The following TMEM163 variants were observed in gnomAD, a reference collection of about 807,000 sequenced individuals.
TMEM163 encodes the protein transmembrane protein 163.
Under a neutral mutation model 29.3 loss-of-function variants are expected in TMEM163, and 17 were observed. That is an observed-to-expected ratio of 0.58 (90% confidence interval 0.40 to 0.87). The LOEUF (loss-of-function observed/expected upper bound fraction) is 0.87, where lower values mean the gene tolerates loss of function less well. Among genes scored for constraint, TMEM163 ranks in the 40% least tolerant of loss-of-function variants. The probability of loss-of-function intolerance (pLI) is 0.00; values close to 1 mark genes in which losing one functional copy is unlikely to be tolerated. For synonymous variants in TMEM163, 157 were observed against 160.6 expected (o/e 0.98, Z 0.17); for missense variants, 303 against 381.5 (o/e 0.79, Z 1.71).
chr2:134,605,490 G>C (rs1354231475), intron 2 of TMEM163, among the ~76,000 whole-genome samples: 1 of 152,046 alleles, frequency 6.6e-6, no homozygotes, highest in Non-Finnish European at 1.5e-5. Flanking sequence ...CTGAGGTCAG[G>C]AGTTCCACAT....
intron 2 of TMEM163, among the ~76,000 whole-genome samples, chr2:134,587,457 G>C (rs957545270): frequency 2.0e-5 from 3 of 151,998 alleles, no homozygotes; most frequent in Admixed American, 6.5e-5. Context: ...TGAGAAGCTA[G>C]GCTGAGAACA....
chr2:134,567,397 A>G (rs568247180), intron 2 of TMEM163, among the ~76,000 whole-genome samples: 2 of 152,344 alleles, frequency 1.3e-5, no homozygotes, highest in Non-Finnish European at 2.9e-5. Context: ...TATTCACAAA[A>G]TAAAGAGTCA....
intron 2 of TMEM163, among the ~76,000 whole-genome samples, chr2:134,631,560 T>A (rs1682971772): frequency 6.6e-6 from 1 of 152,154 alleles, no homozygotes; most frequent in South Asian, 2.1e-4. Context: ...ATGAGAAAAC[T>A]AAAGCCCAGA....
chr2:134,713,279 G>A lies in TMEM163; in HGVS notation c.243C>T (p.Ala81=). 6.2e-7 allele frequency: 1 copy of A among 1,614,090 alleles called. No individual in the cohort carries two copies. Among genetic ancestry groups the A allele is most frequent in the Non-Finnish European group, 8.5e-7 (1 of 1,180,004 alleles). The change falls in exon 2 of 8, where the codon GCC becomes GCT. Residue 81 remains alanine (A), a synonymous_variant. Transcript: ENST00000281924. The part of the protein sequence containing the change: ...ESSTRLKPHE[A]QNYRKKALWV... ...ACAATGCCTTCTTCCTGTAGTTCTG[G>A]GCTTCGTGAGGTTTCAGGCGGGTGC...
At chr2:134,541,326 A>C (rs991511954) in intron 4 of TMEM163, among the ~76,000 whole-genome samples, 1 of 152,274 alleles carries the variant, frequency 6.6e-6, no homozygotes, top group Non-Finnish European at 1.5e-5. Flanking sequence ...TGATAAAAAG[A>C]ATTATAACTC....
chr2:134,482,529 T>TA (rs1323343635), intron 5 of TMEM163, among the ~76,000 whole-genome samples: 1 of 152,316 alleles, frequency 6.6e-6, no homozygotes, highest in South Asian at 2.1e-4. Flanking sequence ...CTACATGTGT[T>TA]AGAGTATTAC....
intron 2 of TMEM163, among the ~76,000 whole-genome samples, chr2:134,701,204 G>C (rs1431998099): frequency 6.6e-6 from 1 of 151,766 alleles, no homozygotes. Context: ...AAAGAAATCA[G>C]AGTGAATTTA....
At chr2:134,507,346 AAAT>A (rs1352986650) in intron 4 of TMEM163, among the ~76,000 whole-genome samples, 18 of 55,580 alleles carry the variant, frequency 3.2e-4, no homozygotes, top group African/African-American at 1.1e-3. Flanking sequence ...CTAAATAAAT[AAAT>A]AAATAAATAA....
chr2:134,631,271 T>A (rs1417584343), intron 2 of TMEM163, among the ~76,000 whole-genome samples: 1 of 152,248 alleles, frequency 6.6e-6, no homozygotes, highest in African/African-American at 2.4e-5. Context: ...TTTCTTGCTA[T>A]GTTGCTTCTA....
chr2:134,705,832 A>G (rs1348239501), intron 2 of TMEM163, among the ~76,000 whole-genome samples: 1 of 152,264 alleles, frequency 6.6e-6, no homozygotes, highest in East Asian at 1.9e-4. Flanking sequence ...AAGAGGAAAA[A>G]CCCTGACAAA....
chr2:134,704,741 G>A (rs1027536153), intron 2 of TMEM163, among the ~76,000 whole-genome samples: 5 of 152,200 alleles, frequency 3.3e-5, no homozygotes, highest in Admixed American at 3.3e-4. Context: ...AGCCCACACA[G>A]AATTATTCTG....
At chr2:134,642,074 A>G (rs1683234174) in intron 2 of TMEM163, among the ~76,000 whole-genome samples, 1 of 152,098 alleles carries the variant, frequency 6.6e-6, no homozygotes. Context: ...GCTTCAAAAC[A>G]CATGAAAAAA....
intron 4 of TMEM163, among the ~76,000 whole-genome samples, chr2:134,533,703 T>C (rs575571597): frequency 3.9e-5 from 6 of 152,170 alleles, no homozygotes; most frequent in Non-Finnish European, 8.8e-5. Flanking sequence ...GGCTTAATAA[T>C]GCACCCGTGG....
chr2:134,575,594 C>T (rs1418950232), intron 2 of TMEM163, among the ~76,000 whole-genome samples: 1 of 152,170 alleles, frequency 6.6e-6, no homozygotes, highest in Non-Finnish European at 1.5e-5. Context: ...AGATGTGTCA[C>T]TCGCCACACG....
intron 5 of TMEM163, among the ~76,000 whole-genome samples, chr2:134,489,971 C>G (rs1205480799): frequency 6.6e-6 from 1 of 152,228 alleles, no homozygotes; most frequent in African/African-American, 2.4e-5. Context: ...CCTGCTACAG[C>G]TAATGGCCAC....
At chr2:134,583,366 C>T (rs561938786) in intron 2 of TMEM163, among the ~76,000 whole-genome samples, 6 of 152,260 alleles carry the variant, frequency 3.9e-5, no homozygotes, top group East Asian at 1.9e-4. Context: ...ATAAATAGTT[C>T]GCATCATTAT....
intron 4 of TMEM163, among the ~76,000 whole-genome samples, chr2:134,504,363 A>G (rs1558925703): frequency 6.6e-6 from 1 of 152,162 alleles, no homozygotes; most frequent in African/African-American, 2.4e-5. Context: ...AAAGGAATGA[A>G]TGGGTTAGGA....
At chr2:134,464,257 G>A (rs547019940) in intron 6 of TMEM163, among the ~76,000 whole-genome samples, 1 of 152,206 alleles carries the variant, frequency 6.6e-6, no homozygotes, top group African/African-American at 2.4e-5. Flanking sequence ...CTTCCCTGGG[G>A]AGATGCTGTA....
chr2:134,577,562 G>A (rs1018217546), intron 2 of TMEM163, among the ~76,000 whole-genome samples: 18 of 152,142 alleles, frequency 1.2e-4, no homozygotes, highest in Non-Finnish European at 2.1e-4. Context: ...TAGTCCAGAG[G>A]GGCTACAGCC....
Sources: gnomAD v4.1 joint callset for allele counts (sites outside exome capture counted in the v4.1 genomes callset) on GRCh38, gnomAD v4.1.1 for gene constraint, MANE v1.5 for transcripts, NCBI Gene and HGNC (gene_info 2026-07-23, HGNC 2026-07-21) for gene names.